EEPD1: variants seen among roughly 807,000 people sequenced by gnomAD.
EEPD1 encodes endonuclease/exonuclease/phosphatase family domain-containing protein 1.
A neutral mutation model predicts 46.3 loss-of-function variants in EEPD1; 17 were observed. The ratio of observed to expected loss-of-function variants is 0.37; its 90% confidence interval spans 0.25 to 0.55. The LOEUF (loss-of-function observed/expected upper bound fraction) is 0.55. Among genes scored for constraint, EEPD1 ranks in the 20% least tolerant of loss-of-function variants. The probability of loss-of-function intolerance (pLI) is 0.83; values close to 1 mark genes in which losing one functional copy is unlikely to be tolerated. For synonymous variants in EEPD1, 313 were observed against 315.6 expected (o/e 0.99, Z 0.09); for missense variants, 673 against 745.6 (o/e 0.90, Z 1.13).
At chr7:36,180,496 T>C (rs1485284208) in intron 2 of EEPD1, among the ~76,000 whole-genome samples, 1 of 152,274 alleles carries the variant, frequency 6.6e-6, no homozygotes, top group Non-Finnish European at 1.5e-5. Flanking sequence ...ATACTGGGAA[T>C]CCTGTGACTG....
intron 2 of EEPD1, among the ~76,000 whole-genome samples, chr7:36,165,819 A>G (rs1784974383): frequency 6.6e-6 from 1 of 152,054 alleles, no homozygotes. Context: ...TGACTCATAA[A>G]TTGATAGTTT....
At chr7:36,182,568 T>C (rs2700922) in intron 2 of EEPD1, among the ~76,000 whole-genome samples, 1 of 152,280 alleles carries the variant, frequency 6.6e-6, no homozygotes, top group Admixed American at 6.5e-5. Context: ...ATCATTCTTT[T>C]GTCATTAACA....
chr7:36,161,503 T>C (rs1335095174), intron 2 of EEPD1, among the ~76,000 whole-genome samples: 1 of 151,930 alleles, frequency 6.6e-6, no homozygotes. Context: ...ATAGTGACAA[T>C]TGAGGCTGAA....
At chr7:36,187,828 G>A (rs1268422287) in intron 2 of EEPD1, among the ~76,000 whole-genome samples, 4 of 151,778 alleles carry the variant, frequency 2.6e-5, no homozygotes, top group East Asian at 3.9e-4. Context: ...ACAGATTCTC[G>A]CTCTGTCACC....
intron 2 of EEPD1, among the ~76,000 whole-genome samples, chr7:36,187,214 C>T (rs1314381119): frequency 6.6e-6 from 1 of 152,156 alleles, no homozygotes; most frequent in Non-Finnish European, 1.5e-5. Context: ...ACATCACTTT[C>T]CTTTTTTTAT....
At chr7:36,284,029 G>C (rs1354622937) in intron 4 of EEPD1, among the ~76,000 whole-genome samples, 1 of 152,222 alleles carries the variant, frequency 6.6e-6, no homozygotes, top group Non-Finnish European at 1.5e-5. Flanking sequence ...CAGAGCAGCA[G>C]GGTTTAACAC....
intron 5 of EEPD1, among the ~76,000 whole-genome samples, chr7:36,286,990 AGGCAGGAGGATCACTTGAG>A (rs1465806056): frequency 2.6e-5 from 4 of 152,118 alleles, no homozygotes; most frequent in Admixed American, 6.5e-5. Context: ...TGGGAGGCTG[AGGCAGGAGGATCACTTGAG>A]GGCAGGAGGA....
chr7:36,266,329 C>T (rs539788694), intron 3 of EEPD1, among the ~76,000 whole-genome samples: 1 of 152,306 alleles, frequency 6.6e-6, no homozygotes, highest in East Asian at 1.9e-4. Context: ...GTGCATTCCT[C>T]TCCTAGGTGC....
intron 2 of EEPD1, among the ~76,000 whole-genome samples, chr7:36,219,468 C>A (rs887649001): frequency 6.8e-6 from 1 of 147,156 alleles, no homozygotes; most frequent in African/African-American, 2.6e-5. Context: ...GAGTTTGAAA[C>A]CAGCCTGAGC....
intron 3 of EEPD1, among the ~76,000 whole-genome samples, chr7:36,249,512 A>G (rs576380002): frequency 6.6e-6 from 1 of 152,292 alleles, no homozygotes; most frequent in East Asian, 1.9e-4. Context: ...GTTCAGTGCT[A>G]TGTAGGAAGG....
At chr7:36,191,144 A>C (rs192323939) in intron 2 of EEPD1, among the ~76,000 whole-genome samples, 58 of 152,362 alleles carry the variant, frequency 3.8e-4, no homozygotes, top group Non-Finnish European at 7.3e-4. Context: ...CATTTCTGTC[A>C]GGGAAGCATT....
chr7:36,240,256 A>C (rs563573272), intron 3 of EEPD1, among the ~76,000 whole-genome samples: 31 of 152,354 alleles, frequency 2.0e-4, no homozygotes, highest in African/African-American at 7.5e-4. Context: ...AAGTCAGAGC[A>C]AGAGACCCTG....
chr7:36,156,423 CCTT>C (rs775846810), intron 2 of EEPD1, among the ~76,000 whole-genome samples: 2 of 152,280 alleles, frequency 1.3e-5, no homozygotes. Flanking sequence ...CTAACTCACT[CCTT>C]CTGCAAAGTC....
At chr7:36,196,525 C>T (rs892716581) in intron 2 of EEPD1, among the ~76,000 whole-genome samples, 1 of 152,218 alleles carries the variant, frequency 6.6e-6, no homozygotes, top group Non-Finnish European at 1.5e-5. Context: ...GATTCTCCTG[C>T]GTCAGCCTGC....
chr7:36,157,450 TC>T (rs1282765041), intron 2 of EEPD1, among the ~76,000 whole-genome samples: 3 of 152,214 alleles, frequency 2.0e-5, no homozygotes, highest in Non-Finnish European at 4.4e-5. Context: ...ACGACTCTTG[TC>T]CAGTGTGAAG....
intron 6 of EEPD1, among the ~76,000 whole-genome samples, chr7:36,293,371 T>C (rs1269835819): frequency 1.3e-5 from 2 of 152,192 alleles, no homozygotes; most frequent in Non-Finnish European, 2.9e-5. Flanking sequence ...CTCTTTAATA[T>C]TCTAGTTGTG....
intron 2 of EEPD1, among the ~76,000 whole-genome samples, chr7:36,190,685 G>A (rs1241885434): frequency 6.6e-6 from 1 of 152,200 alleles, no homozygotes; most frequent in Non-Finnish European, 1.5e-5. Context: ...AGGCCTCTGA[G>A]TCTCTGATAC....
chr7:36,288,072 A>G (rs1272960085), intron 6 of EEPD1, among the ~76,000 whole-genome samples: 1 of 152,162 alleles, frequency 6.6e-6, no homozygotes, highest in African/African-American at 2.4e-5. Context: ...CCCTTCCCCG[A>G]AGACAGCTCA....
chr7:36,252,580 A>T (rs1027418310), intron 3 of EEPD1, among the ~76,000 whole-genome samples: 6 of 152,140 alleles, frequency 3.9e-5, no homozygotes, highest in African/African-American at 1.4e-4. Context: ...AGTAGCTTAT[A>T]TCAGAATAAC....
Sources: allele counts gnomAD v4.1 joint callset (sites outside exome capture counted in the v4.1 genomes callset), GRCh38; gene constraint gnomAD v4.1.1; transcripts MANE v1.5; gene names NCBI Gene and HGNC (gene_info 2026-07-23, HGNC 2026-07-21).